Variants in MYPN observed in about 807,000 individuals in gnomAD.
MYPN encodes the protein myopalladin.
MYPN carries 63 observed loss-of-function variants against 129.4 expected under a neutral mutation model. That is an observed-to-expected ratio of 0.49 (90% confidence interval 0.40 to 0.60). The LOEUF (loss-of-function observed/expected upper bound fraction) is 0.60, where lower values mean the gene tolerates loss of function less well. Ranked by LOEUF, MYPN falls within the 20% of genes least tolerant of loss-of-function variation. MYPN has a pLI of 0.00. For synonymous variants in MYPN, 629 were observed against 600.9 expected (o/e 1.05, Z -0.68); for missense variants, 1,596 against 1,635.4 (o/e 0.98, Z 0.42).
At chr10:68,166,885 A>C (rs1053419363) in intron 10 of MYPN, among the ~76,000 whole-genome samples, 10 of 151,918 alleles carry the variant, frequency 6.6e-5, no homozygotes, top group South Asian at 2.1e-4. Flanking sequence ...TTTTAAAGTA[A>C]AAAAATTAGC....
At chr10:68,176,264 C>G (rs1014048368) in intron 12 of MYPN, among the ~76,000 whole-genome samples, 1 of 152,158 alleles carries the variant, frequency 6.6e-6, no homozygotes, top group African/African-American at 2.4e-5. Context: ...GAGCATCATT[C>G]AAACAAAAGA....
chr10:68,210,305 C>A lies in MYPN; in HGVS notation c.3813C>A (p.Ile1271=), dbSNP rs777067913. ...TTCCAGCTCAGTGGCACCATCAGATCCCACCGCCCATGTCTGTCCGGCCCA... is the reference window on the plus strand; with the variant it reads ...TTCCAGCTCAGTGGCACCATCAGATACCACCGCCCATGTCTGTCCGGCCCA... ...LDIYAQWHHQ[I]PPPMSVRPSG... is the part of the protein sequence containing the mutation. The change falls in exon 20 of 20, where the codon ATC becomes ATA. Residue 1271 remains isoleucine (I), a synonymous_variant. Coordinates refer to ENST00000358913, the MANE Select transcript of MYPN (RefSeq NM_032578.4). 1.2e-5 allele frequency: 20 copies of A among 1,613,554 alleles called. No homozygotes were observed. The highest frequency in any genetic ancestry group is 1.7e-5 in the Non-Finnish European group (20 of 1,180,030).
intron 15 of MYPN, among the ~76,000 whole-genome samples, chr10:68,196,191 C>T (rs1375236652): frequency 6.6e-6 from 1 of 152,202 alleles, no homozygotes; most frequent in Non-Finnish European, 1.5e-5. Context: ...AAGTAAGTTA[C>T]CATCTTTTGT....
At chr10:68,134,814 T>TAATTA (rs916962453) in intron 2 of MYPN, among the ~76,000 whole-genome samples, 1 of 151,988 alleles carries the variant, frequency 6.6e-6, no homozygotes, top group Non-Finnish European at 1.5e-5. Context: ...ATTAATTAAT[T>TAATTA]AATTAAATTA....
chr10:68,141,367 C>CAA (rs34852415), intron 2 of MYPN, among the ~76,000 whole-genome samples: 1,003 of 92,306 alleles, frequency 0.011, 12 homozygotes, highest in African/African-American at 0.034. Flanking sequence ...GACTCGGTCT[C>CAA]AAAAAAAAAA....
At chr10:68,143,276 A>G (rs1467257269) in intron 3 of MYPN, among the ~76,000 whole-genome samples, 161 bp downstream of exon 3, 1 of 152,210 alleles carries the variant, frequency 6.6e-6, no homozygotes, top group East Asian at 1.9e-4. Flanking sequence ...ATTTACTGAT[A>G]ATTTACATTA....
chr10:68,093,338 C>T (rs1469005847), intron 1 of MYPN, among the ~76,000 whole-genome samples: 1 of 152,034 alleles, frequency 6.6e-6, no homozygotes, highest in East Asian at 1.9e-4. Context: ...AAAAATGTAG[C>T]TGACATCAGA....
Position 68,183,422 on chromosome 10 carries a change from G to A in MYPN, c.2704-5483G>A, listed in dbSNP as rs572376928. On this transcript the variant is annotated intron_variant, in intron 12 of 19. Transcript: ENST00000358913. The stretch of plus-strand genomic sequence containing the variant: ...GTTTGCAAGGAGCCAAGATCACACC[G>A]CTGCACTCCAGCCTGGGCAGTAGAG... 7.2e-5 allele frequency among the ~76,000 whole-genome samples: 11 copies of A among 151,996 alleles called. No homozygotes were observed. In the East Asian group the frequency reaches 7.7e-4, roughly 11 times the overall value.
At chr10:68,181,070 C>A (rs1031763069) in intron 12 of MYPN, among the ~76,000 whole-genome samples, 1 of 152,056 alleles carries the variant, frequency 6.6e-6, no homozygotes, top group Admixed American at 6.6e-5. Context: ...TTCTATAACA[C>A]CCAGATTTAC....
At chr10:68,156,791 C>T (rs1040248908) in intron 6 of MYPN, among the ~76,000 whole-genome samples, 1 of 152,188 alleles carries the variant, frequency 6.6e-6, no homozygotes, top group Admixed American at 6.5e-5. Context: ...TTGGCTTTCC[C>T]CTTCTCTGAA....
In MYPN at chr10:68,122,310, T is replaced by C; in HGVS notation, c.872T>C (p.Ile291Thr). The change falls in exon 2 of 20, where the codon ATA becomes ACA. Residue 291 changes from isoleucine to threonine, a missense_variant. Ile to Thr is a moderately conservative substitution (Grantham distance 89). Coordinates refer to ENST00000358913, the MANE Select transcript of MYPN (RefSeq NM_032578.4). ...GGAACTCGAGTACAGTTGGATTGCATAGTGGTAGGAATTCCACCACCTCAA... is the reference window on the plus strand; with the variant it reads ...GGAACTCGAGTACAGTTGGATTGCACAGTGGTAGGAATTCCACCACCTCAA... ...PEGTRVQLDC[I>T]VVGIPPPQVR... 1.2e-6 allele frequency: 2 copies of C among 1,613,890 alleles called. No individual in the cohort carries two copies. Among genetic ancestry groups the C allele is most frequent in the Non-Finnish European group, 1.7e-6 (2 of 1,180,016 alleles).
chr10:68,179,522 A>C (rs1278439573), intron 12 of MYPN, among the ~76,000 whole-genome samples: 1 of 152,202 alleles, frequency 6.6e-6, no homozygotes, highest in African/African-American at 2.4e-5. Context: ...TAAAACTGTT[A>C]ACCAAGTAGA....
chr10:68,152,725 C>T (rs754854244), intron 6 of MYPN, among the ~76,000 whole-genome samples: 9 of 152,024 alleles, frequency 5.9e-5, no homozygotes, highest in Non-Finnish European at 1.3e-4. Context: ...AACCTTGGCC[C>T]CCCCGGGTTT....
intron 16 of MYPN, among the ~76,000 whole-genome samples, chr10:68,198,196 C>T (rs2043643359): frequency 6.6e-6 from 1 of 152,052 alleles, no homozygotes; most frequent in African/African-American, 2.4e-5. Context: ...TCTGGAAGGC[C>T]TTTATTACTA....
intron 13 of MYPN, among the ~76,000 whole-genome samples, chr10:68,191,486 G>A (rs1283183142): frequency 6.6e-6 from 1 of 152,170 alleles, no homozygotes; most frequent in Non-Finnish European, 1.5e-5. Context: ...CCAAACTGCT[G>A]GGAATACAGG....
chr10:68,091,606 G>A (rs2041931539), intron 1 of MYPN, among the ~76,000 whole-genome samples: 1 of 151,700 alleles, frequency 6.6e-6, no homozygotes, highest in South Asian at 2.1e-4. Context: ...TGTTACCCAG[G>A]CTGGTCTTGA....
At chr10:68,091,541 C>T (rs2041931407) in intron 1 of MYPN, among the ~76,000 whole-genome samples, 1 of 151,506 alleles carries the variant, frequency 6.6e-6, no homozygotes, top group Admixed American at 6.6e-5. Flanking sequence ...GCTACAGGTG[C>T]CTGCCACTAT....
intron 1 of MYPN, among the ~76,000 whole-genome samples, chr10:68,095,775 G>A (rs2041953743): frequency 1.0e-4 from 3 of 29,590 alleles, no homozygotes; most frequent in Non-Finnish European, 1.6e-4. Flanking sequence ...GGAATAGGGG[G>A]TTATTGTTTA....
In MYPN at chr10:68,199,670, C is replaced by T. The variant is rs2043677384; in HGVS notation, c.3493+95C>T. The T allele has an allele frequency of 5.7e-6, 7 of 1,234,508 alleles. No homozygotes were observed. The South Asian group carries it at 6.2e-5, about 11-fold the overall frequency. The allele number at this position is 1,234,508 out of a possible 1,614,324, so 76.5% of individuals were successfully genotyped here. On this transcript the variant is annotated intron_variant, in intron 17 of 19. Coordinates refer to ENST00000358913, the MANE Select transcript of MYPN (RefSeq NM_032578.4). ...TGCCAGAATTCCTTCATCCTTTGCCCTACTAACTCCAATCTCAATTTCCCC... is the reference window on the plus strand; with the variant it reads ...TGCCAGAATTCCTTCATCCTTTGCCTTACTAACTCCAATCTCAATTTCCCC...
Sources: allele counts gnomAD v4.1 joint callset (sites outside exome capture counted in the v4.1 genomes callset), GRCh38; gene constraint gnomAD v4.1.1; transcripts MANE v1.5; gene names NCBI Gene and HGNC (gene_info 2026-07-23, HGNC 2026-07-21).